The following ADAM12 variants were observed in gnomAD, a reference collection of about 807,000 sequenced individuals.
ADAM12 encodes ADAM metallopeptidase domain 12, also known as disintegrin and metalloproteinase domain-containing protein 12.
Under a neutral mutation model 106.4 loss-of-function variants are expected in ADAM12, and 70 were observed. The observed-to-expected ratio is 0.66, with a 90% CI of 0.54 to 0.80. The LOEUF is 0.80. Ranked by LOEUF, ADAM12 falls within the 30% of genes least tolerant of loss-of-function variation. The pLI is 0.00. For missense variants in ADAM12, 1,010 were observed against 1,171.9 expected (o/e 0.86, Z 2.02); for synonymous variants, 420 against 433.5 (o/e 0.97, Z 0.39).
intron 2 of ADAM12, among the ~76,000 whole-genome samples, chr10:126,324,153 T>C (rs905545804): frequency 6.6e-6 from 1 of 152,240 alleles, no homozygotes; most frequent in Non-Finnish European, 1.5e-5. Flanking sequence ...ATGATATGAT[T>C]GCACATCACA....
chr10:126,020,394 C>G (rs1953741528), intron 21 of ADAM12, among the ~76,000 whole-genome samples: 1 of 152,092 alleles, frequency 6.6e-6, no homozygotes, highest in Admixed American at 6.5e-5. Context: ...ATGCAGTGGT[C>G]TGAGGGGCAA....
chr10:126,163,225 G>C (rs1004694244), intron 3 of ADAM12, among the ~76,000 whole-genome samples: 1 of 152,092 alleles, frequency 6.6e-6, no homozygotes, highest in African/African-American at 2.4e-5. Flanking sequence ...TCATAGCAAC[G>C]CAAGAATGTC....
chr10:126,160,942 T>C (rs1290752987), intron 3 of ADAM12, among the ~76,000 whole-genome samples: 1 of 152,254 alleles, frequency 6.6e-6, no homozygotes, highest in Non-Finnish European at 1.5e-5. Context: ...GCTTTTCATG[T>C]AGCCAGCACC....
intron 21 of ADAM12, among the ~76,000 whole-genome samples, chr10:126,031,616 A>C (rs1370970306): frequency 6.6e-6 from 1 of 152,216 alleles, no homozygotes. Context: ...AGGAATTTGG[A>C]CTTCCTTGTA....
At chr10:126,050,937 C>T (rs1351984587) in intron 14 of ADAM12, among the ~76,000 whole-genome samples, 1 of 152,220 alleles carries the variant, frequency 6.6e-6, no homozygotes, top group African/African-American at 2.4e-5. Flanking sequence ...CCAGACTGGA[C>T]ACAATTCTCT....
At chr10:126,130,312 A>G (rs1956281752) in intron 5 of ADAM12, among the ~76,000 whole-genome samples, 1 of 152,116 alleles carries the variant, frequency 6.6e-6, no homozygotes, top group Admixed American at 6.5e-5. Flanking sequence ...TTGACTGTAC[A>G]GCTGCGGAAT....
chr10:126,185,929 C>T (rs953526476), intron 3 of ADAM12, among the ~76,000 whole-genome samples: 13 of 152,170 alleles, frequency 8.5e-5, no homozygotes, highest in African/African-American at 2.7e-4. Flanking sequence ...TGACCAAAAA[C>T]GTCACTTGTA....
At chr10:126,326,702 A>G (rs1260278387) in intron 2 of ADAM12, among the ~76,000 whole-genome samples, 1 of 152,088 alleles carries the variant, frequency 6.6e-6, no homozygotes, top group Non-Finnish European at 1.5e-5. Flanking sequence ...CCAAGCCCCC[A>G]GGAACCTTCT....
chr10:126,247,227 G>A (rs1033941611), intron 3 of ADAM12, among the ~76,000 whole-genome samples: 2 of 152,266 alleles, frequency 1.3e-5, no homozygotes, highest in Admixed American at 1.3e-4. Context: ...CTAGAAAATT[G>A]AAGGAGAATC....
At chr10:126,199,513 G>A (rs550147595) in intron 3 of ADAM12, among the ~76,000 whole-genome samples, 44 of 152,222 alleles carry the variant, frequency 2.9e-4, no homozygotes, top group South Asian at 1.2e-3. Flanking sequence ...CCGCAGAAAC[G>A]CTCCCATAAA....
chr10:126,045,108 C>A (rs141348253), intron 17 of ADAM12, among the ~76,000 whole-genome samples: 1 of 152,312 alleles, frequency 6.6e-6, no homozygotes, highest in East Asian at 1.9e-4. Context: ...CCAGGGTCCT[C>A]AACCAGCTTG....
At chr10:126,257,532 G>A (rs534342937) in intron 3 of ADAM12, among the ~76,000 whole-genome samples, 4 of 152,182 alleles carry the variant, frequency 2.6e-5, no homozygotes, top group African/African-American at 7.2e-5. Flanking sequence ...GCATTTCTAC[G>A]CTGTATTTAA....
At chr10:126,111,905 T>TTA (rs1554970379) in intron 6 of ADAM12, among the ~76,000 whole-genome samples, 1 of 152,002 alleles carries the variant, frequency 6.6e-6, no homozygotes, top group East Asian at 1.9e-4. Flanking sequence ...GCTGTCCAGT[T>TTA]AAAAAAACAA....
chr10:126,147,786 C>T (rs1400784870), intron 4 of ADAM12, among the ~76,000 whole-genome samples: 2 of 152,242 alleles, frequency 1.3e-5, no homozygotes, highest in African/African-American at 2.4e-5. Context: ...TCTTCTTCCT[C>T]TAGCCTCCCC....
At chr10:126,101,443 C>T (rs1361725118) in intron 8 of ADAM12, among the ~76,000 whole-genome samples, 1 of 152,162 alleles carries the variant, frequency 6.6e-6, no homozygotes, top group South Asian at 2.1e-4. Context: ...ACTAGGTTCT[C>T]GAAGATTGAC....
At chr10:126,018,141 C>G (rs11244769) in intron 22 of ADAM12, among the ~76,000 whole-genome samples, 8 of 152,204 alleles carry the variant, frequency 5.3e-5, no homozygotes, top group Non-Finnish European at 1.2e-4. Flanking sequence ...ACATTCTTCC[C>G]AAGAGCTGTA....
intron 3 of ADAM12, among the ~76,000 whole-genome samples, chr10:126,171,352 A>T (rs1318915609): frequency 1.3e-5 from 2 of 152,228 alleles, no homozygotes; most frequent in Non-Finnish European, 2.9e-5. Flanking sequence ...AATAAGCATC[A>T]TGGTCTCAAA....
chr10:126,223,882 C>T (rs1565149486), intron 3 of ADAM12, among the ~76,000 whole-genome samples: 1 of 152,226 alleles, frequency 6.6e-6, no homozygotes, highest in Non-Finnish European at 1.5e-5. Flanking sequence ...GGTACTACAC[C>T]AGCTAGAGCC....
In ADAM12 at chr10:126,202,383, G is replaced by A. The variant is rs188334614; in HGVS notation, c.261-47078C>T. ...CTTAAGTTCACTGAACTGTAATTTT[G>A]TATAAATTTAATGACTATCCAATGA... On this transcript the variant is annotated intron_variant, in intron 3 of 22. Transcript: ENST00000448723. 2.7e-3 allele frequency among the ~76,000 whole-genome samples: 415 copies of A among 152,156 alleles called. 3 individuals are homozygous for A. The highest frequency in any genetic ancestry group is 9.7e-3 in the African/African-American group (401 of 41,480).
Sources: allele counts gnomAD v4.1 joint callset (sites outside exome capture counted in the v4.1 genomes callset), GRCh38; gene constraint gnomAD v4.1.1; transcripts MANE v1.5; gene names NCBI Gene and HGNC (gene_info 2026-07-23, HGNC 2026-07-21).